CEP290: variants seen among roughly 807,000 people sequenced by gnomAD.
CEP290 encodes the protein centrosomal protein 290, also known as centrosomal protein of 290 kDa.
Under a neutral mutation model 344.9 loss-of-function variants are expected in CEP290, and 317 were observed. That is an observed-to-expected ratio of 0.92 (90% confidence interval 0.84 to 1.01). The LOEUF (loss-of-function observed/expected upper bound fraction) is 1.01, where lower values mean the gene tolerates loss of function less well. Among genes scored for constraint, CEP290 ranks in the 50% least tolerant of loss-of-function variants. The pLI, the probability that CEP290 is intolerant of heterozygous loss-of-function variation, is 0.00. For synonymous variants in CEP290, 932 were observed against 895.8 expected (o/e 1.04, Z -0.72); for missense variants, 2,754 against 2,761.4 (o/e 1.00, Z 0.06).
chr12:88,070,938 C>A (rs551781915), intron 43 of CEP290, among the ~76,000 whole-genome samples: 5 of 152,190 alleles, frequency 3.3e-5, no homozygotes, highest in African/African-American at 1.2e-4. Flanking sequence ...TTGTGAGGTA[C>A]ACAGGCAGGA....
chr12:88,129,624 A>G (rs1565913982), intron 10 of CEP290, 70 bp downstream of exon 10: 8 of 881,098 alleles, frequency 9.1e-6, no homozygotes, highest in Non-Finnish European at 1.3e-5. Flanking sequence ...AGTACTTTCT[A>G]GTGTCAAATA....
At position 88,050,340 on chromosome 12, in the gene CEP290, TAATTA is replaced by T. The variant is rs758075889; in HGVS notation, c.7209+9_7209+13del. 1.4e-5 allele frequency: 18 copies of T among 1,310,054 alleles called. No homozygotes were observed. The East Asian group carries it at 4.3e-4, about 31-fold the overall frequency. 81.2% of individuals were successfully genotyped at this position (1,310,054 alleles called of 1,614,324 possible). A position where few individuals can be genotyped will look rare whatever the true frequency, so the allele number is the denominator to read the frequency against. ...GTTTTCACAAAACGATACTAAAATA[TAATTA>T]AATATTACCTTCAAATGCTGCTTTT... On this transcript the variant is annotated intron_variant, in intron 53 of 53. Transcript: ENST00000552810.
At chr12:88,062,232 T>A (rs2034535851) in intron 46 of CEP290, among the ~76,000 whole-genome samples, 1 of 152,148 alleles carries the variant, frequency 6.6e-6, no homozygotes, top group South Asian at 2.1e-4. Context: ...GGCCTTGACC[T>A]CATAAGCAAC....
At chr12:88,134,815 A>G (rs545438345) in intron 6 of CEP290, among the ~76,000 whole-genome samples, 1 of 152,326 alleles carries the variant, frequency 6.6e-6, no homozygotes, top group South Asian at 2.1e-4. Flanking sequence ...GTCAAAATGA[A>G]TAACTGTAGT....
At chr12:88,083,543 T>A (rs142413660) in intron 36 of CEP290, among the ~76,000 whole-genome samples, 128 of 152,298 alleles carry the variant, frequency 8.4e-4, no homozygotes, top group African/African-American at 3.0e-3. Context: ...TGGAACAGAA[T>A]GGTCAAAAGA....
At chr12:88,052,130 CAT>C (rs1289352630) in intron 52 of CEP290, among the ~76,000 whole-genome samples, 1 of 152,158 alleles carries the variant, frequency 6.6e-6, no homozygotes, top group African/African-American at 2.4e-5. Flanking sequence ...ACAACTCACA[CAT>C]GATGGCTTTT....
At position 88,064,125 on chromosome 12, in the gene CEP290, A is replaced by T. The variant is rs754692696; in HGVS notation, c.6136-10T>A. The T allele has an allele frequency of 1.3e-6, 2 of 1,532,244 alleles. No homozygotes were observed. Among genetic ancestry groups the T allele is most frequent in the African/African-American group, 2.8e-5 (2 of 71,820 alleles). 94.9% of individuals were successfully genotyped at this position (1,532,244 alleles called of 1,614,324 possible). A position where few individuals can be genotyped will look rare whatever the true frequency, so the allele number is the denominator to read the frequency against. On this transcript the variant is annotated splice_polypyrimidine_tract_variant and intron_variant, in intron 44 of 53. Transcript: ENST00000552810. The stretch of plus-strand genomic sequence containing the variant: ...ACTCTATTCCTGAAATCTTCAGGGA[A>T]ATGAAATTAGGAATATTTTTAAAGT...
intron 38 of CEP290, 76 bp from the exon 39 acceptor site, chr12:88,079,305 TAAAC>T (rs1224859595): frequency 1.4e-5 from 16 of 1,173,704 alleles, no homozygotes; most frequent in Non-Finnish European, 1.7e-5. Flanking sequence ...ATATAAAAAA[TAAAC>T]AAGCTTTATT....
Position 88,089,330 on chromosome 12 carries a change from T to C in CEP290, c.3731A>G (p.Glu1244Gly), listed in dbSNP as rs1342978055. 2 of 1,613,986 alleles carry C rather than the reference T, an allele frequency of 1.2e-6. No homozygotes were observed. Among genetic ancestry groups the C allele is most frequent in the Admixed American group, 3.3e-5 (2 of 60,020 alleles). The change falls in exon 31 of 54, where the codon GAA becomes GGA. Residue 1244 changes from glutamate (E) to glycine (G), a missense_variant. Glu to Gly is a moderately conservative substitution (Grantham distance 98). Transcript: ENST00000552810. ...YNLRLEQKLD[E>G]KEQALYYARL... ...AGCATAATAGAGAGCCTGTTCTTTTTCATCAAGTTTCTGCTCTAAGCGCAA... is the reference window on the plus strand; with the variant it reads ...AGCATAATAGAGAGCCTGTTCTTTTCCATCAAGTTTCTGCTCTAAGCGCAA...
chr12:88,095,766 C>T (rs919202993), intron 27 of CEP290, among the ~76,000 whole-genome samples: 3 of 151,930 alleles, frequency 2.0e-5, no homozygotes, highest in African/African-American at 2.4e-5. Flanking sequence ...AATACATTAT[C>T]GAAAGCAGCA....
intron 11 of CEP290, among the ~76,000 whole-genome samples, chr12:88,128,202 A>T (rs2039849116): frequency 6.6e-6 from 1 of 152,088 alleles, no homozygotes; most frequent in African/African-American, 2.4e-5. Context: ...CTTTATATAA[A>T]GTTTATGGAG....
intron 39 of CEP290, among the ~76,000 whole-genome samples, chr12:88,078,196 C>A (rs558364225): frequency 6.7e-6 from 1 of 150,258 alleles, no homozygotes; most frequent in African/African-American, 2.4e-5. Context: ...CAAATATGCA[C>A]GTTTCATTTT....
chr12:88,120,381 G>A (rs1238097376), intron 14 of CEP290, 105 bp from the exon 15 acceptor site: 2 of 518,312 alleles, frequency 3.9e-6, no homozygotes, highest in Non-Finnish European at 3.2e-6. Flanking sequence ...ATGTACATAT[G>A]CCTATAATTT....
chr12:88,127,735 ATATACT>A (rs2039819825), intron 11 of CEP290, among the ~76,000 whole-genome samples: 3 of 152,194 alleles, frequency 2.0e-5, no homozygotes, highest in Admixed American at 6.5e-5. Context: ...TATTCCACAG[ATATACT>A]TGTACATTTG....
intron 52 of CEP290, 73 bp from the exon 53 acceptor site, chr12:88,050,506 C>G: frequency 1.5e-6 from 1 of 666,912 alleles, no homozygotes; most frequent in Admixed American, 3.1e-5. Flanking sequence ...TGGATTTGTT[C>G]TAGAGAACAG....
At chr12:88,115,298 C>A in intron 18 of CEP290, 116 bp from the exon 19 acceptor site, 5 of 701,508 alleles carry the variant, frequency 7.1e-6, no homozygotes, top group African/African-American at 1.8e-5. Flanking sequence ...ACAAAAAAAA[C>A]GAGCTATGAA....
intron 49 of CEP290, among the ~76,000 whole-genome samples, chr12:88,056,625 C>T (rs563729769): frequency 6.6e-6 from 1 of 152,148 alleles, no homozygotes; most frequent in Non-Finnish European, 1.5e-5. Context: ...TCAAAAGCCA[C>T]CCAAACAGAG....
At chr12:88,075,563 A>G (rs994026005) in intron 41 of CEP290, among the ~76,000 whole-genome samples, 121 of 152,146 alleles carry the variant, frequency 8.0e-4, no homozygotes, top group Admixed American at 7.9e-3. Context: ...AAAAAGATGA[A>G]CAAAAGACAA....
In CEP290 at chr12:88,139,553, T is replaced by G. The variant is rs965922201; in HGVS notation, c.192A>C (p.Gln64His). The stretch of plus-strand genomic sequence containing the variant: ...CTTCTTCCAAAGCCAGCTCCACTTC[T>G]TGAGCTTTCATCTAAACATTAAAAA... The part of the protein sequence containing the change: ...ITQSLMKMKA[Q>H]EVELALEEVE... The change falls in exon 4 of 54, where the codon CAA (glutamine) becomes CAC (histidine). Residue 64 changes from glutamine (Q) to histidine (H), a missense_variant. Physicochemically the swap from Gln to His is conservative, Grantham distance 24 (BLOSUM62 0). Coordinates refer to ENST00000552810, the MANE Select transcript of CEP290 (RefSeq NM_025114.4). 4.4e-6 allele frequency: 7 copies of G among 1,583,694 alleles called. No homozygotes were observed. Among genetic ancestry groups the G allele is most frequent in the Non-Finnish European group, 6.0e-6 (7 of 1,166,462 alleles).
Sources: allele counts gnomAD v4.1 joint callset (sites outside exome capture counted in the v4.1 genomes callset), GRCh38; gene constraint gnomAD v4.1.1; transcripts MANE v1.5; gene names NCBI Gene and HGNC (gene_info 2026-07-23, HGNC 2026-07-21).